Variants in NOD1 observed in about 807,000 individuals in gnomAD.
The protein encoded by NOD1 is nucleotide binding oligomerization domain containing 1.
A neutral mutation model predicts 81.2 loss-of-function variants in NOD1; 70 were observed. That is an observed-to-expected ratio of 0.86 (90% CI 0.71 to 1.05). The LOEUF (loss-of-function observed/expected upper bound fraction) is 1.05. NOD1 is among the 50% of genes least tolerant of loss of function. NOD1 has a pLI of 0.00. For synonymous variants in NOD1, 508 were observed against 526.9 expected (o/e 0.96, Z 0.49); for missense variants, 1,233 against 1,228.0 (o/e 1.00, Z -0.06).
In NOD1 at chr7:30,425,719, A is replaced by G. The variant is rs1280961392; in HGVS notation, c.2790-9T>C. On this transcript the variant is annotated splice_polypyrimidine_tract_variant and intron_variant, in intron 13 of 13. Coordinates refer to ENST00000222823, the MANE Select transcript of NOD1 (RefSeq NM_006092.4). ...TCAGGTTTCCATTTAGGCTGTTGAA[A>G]AGGAGGAAGACAAAAGTACACAGGT... 1 of 1,605,988 alleles carries G rather than the reference A, an allele frequency of 6.2e-7. No homozygotes were observed. Among genetic ancestry groups the G allele is most frequent in the South Asian group, 1.1e-5 (1 of 90,930 alleles).
rs566154015 is a variant in NOD1, at chr7:30,446,597, G to A, written c.2369+370C>T. 1.3e-5 allele frequency: 5 copies of A among 388,850 alleles called. No homozygotes were observed. The Admixed American group carries it at 1.7e-4, about 13-fold the overall frequency. The allele number at this position is 388,850 out of a possible 1,614,324, so 24.1% of individuals were successfully genotyped here. The stretch of plus-strand genomic sequence containing the variant: ...GTCAGGGCAGGACCAGAGGCTCCAA[G>A]CCTGGCGCACTGTCACCCCCTGCGC... On this transcript the variant is annotated intron_variant, in intron 8 of 13. Transcript: ENST00000222823.
Position 30,467,145 on chromosome 7 carries a change from G to C in NOD1, c.-351-7104C>G, listed in dbSNP as rs74933831. 7.4e-3 allele frequency among the ~76,000 whole-genome samples: 1,128 copies of C among 152,280 alleles called. 7 individuals are homozygous for C. Among genetic ancestry groups the C allele is most frequent in the Middle Eastern group, 0.017 (5 of 294 alleles). The stretch of plus-strand genomic sequence containing the variant: ...AATGTAAGTTGCAGAAAGAAATATA[G>C]AGTATAATAACATTTATATGGCTTG... On this transcript the variant is annotated intron_variant, in intron 1 of 13. Transcript: ENST00000222823. The surrounding 1 kb of genome is among the most constrained non-coding windows in gnomAD (Gnocchi z 4.5).
chr7:30,429,658 CTGTT>C (rs958852337), intron 12 of NOD1, among the ~76,000 whole-genome samples: 2 of 152,118 alleles, frequency 1.3e-5, no homozygotes, highest in African/African-American at 4.8e-5. Context: ...TTTAAATTTT[CTGTT>C]TGTTTTTATA....
At position 30,446,180 on chromosome 7, in the gene NOD1, G is replaced by T. The variant is rs764219266; in HGVS notation, c.2414C>A (p.Ala805Asp). Reference sequence around the variant, plus strand: ...TGATTTGCTGTTCTTCACAGCCAGGGCGAGATACTTCCCTCCTTCACTTGT... The same window carrying T: ...TGATTTGCTGTTCTTCACAGCCAGGTCGAGATACTTCCCTCCTTCACTTGT... ...KITSEGGKYL[A>D]LAVKNSKSIS... Residue 805 changes from alanine (A) to aspartate (D), a missense_variant, in exon 9 of 14, where the codon GCC becomes GAC. Physicochemically the swap from Ala to Asp is moderately radical, Grantham distance 126 (BLOSUM62 -2). Coordinates refer to ENST00000222823, the MANE Select transcript of NOD1 (RefSeq NM_006092.4). The T allele has an allele frequency of 6.2e-7, 1 of 1,614,142 alleles. No homozygotes were observed. Among genetic ancestry groups the T allele is most frequent in the East Asian group, 2.2e-5 (1 of 44,884 alleles).
At position 30,455,134 on chromosome 7, in the gene NOD1, T is replaced by C; in HGVS notation, c.376+3A>G. On this transcript the variant is annotated splice_donor_region_variant and intron_variant, in intron 5 of 13. Transcript: ENST00000222823. ...CTGCGGTCTTGCTGGGGCTGACTCC[T>C]ACCTGGGTCAGTGTTGACCACGACT... 6.2e-7 allele frequency: 1 copy of C among 1,613,490 alleles called. No individual in the cohort carries two copies. Among genetic ancestry groups the C allele is most frequent in the Non-Finnish European group, 8.5e-7 (1 of 1,179,770 alleles).
chr7:30,432,037 G>A (rs1783996842), intron 12 of NOD1, among the ~76,000 whole-genome samples: 2 of 152,140 alleles, frequency 1.3e-5, no homozygotes, highest in African/African-American at 2.4e-5. Flanking sequence ...CCCAGGAGGT[G>A]GAGGTTGCAG....
intron 12 of NOD1, among the ~76,000 whole-genome samples, chr7:30,432,763 G>T (rs1784055611): frequency 6.6e-6 from 1 of 152,168 alleles, no homozygotes; most frequent in South Asian, 2.1e-4. Flanking sequence ...AAAAAGGAAT[G>T]AAACATGCTA....
At position 30,451,165 on chromosome 7, in the gene NOD1, G is replaced by A. The variant is rs750566041; in HGVS notation, c.2201+51C>T. The A allele has an allele frequency of 2.2e-5, 35 of 1,578,352 alleles. No homozygotes were observed. Among genetic ancestry groups the A allele is most frequent in the Non-Finnish European group, 2.9e-5 (34 of 1,162,358 alleles). On this transcript the variant is annotated intron_variant, in intron 6 of 13. Coordinates refer to ENST00000222823, the MANE Select transcript of NOD1 (RefSeq NM_006092.4). This position sits in a 1 kb window ranked among gnomAD's most constrained non-coding sequence, Gnocchi z 4.2. ...CATGATGCCATTCCCGATGCCCTCC[G>A]AGCCTGGCCCGCCCGGCCCACCTGT... is the stretch of plus-strand genomic sequence containing the variant.
intron 1 of NOD1, chr7:30,460,712 A>G (rs1786960011): frequency 2.0e-6 from 2 of 982,692 alleles, no homozygotes; most frequent in Non-Finnish European, 2.4e-6. Context: ...GCCTGTGGGC[A>G]GTGAGGGAGC....
intron 1 of NOD1, among the ~76,000 whole-genome samples, chr7:30,473,645 C>T (rs114221072): frequency 0.011 from 1,623 of 152,226 alleles, 27 homozygotes; most frequent in African/African-American, 0.035. Context: ...AGTGAGCTGC[C>T]ACTTTCACTT....
intron 13 of NOD1, among the ~76,000 whole-genome samples, chr7:30,426,501 C>T (rs2127980689): frequency 6.6e-6 from 1 of 152,086 alleles, no homozygotes; most frequent in East Asian, 1.9e-4. Context: ...TGCATCAGTA[C>T]AATGTCCTAC....
Position 30,452,896 on chromosome 7 carries a change from A to G in NOD1, c.521T>C (p.Leu174Pro). Residue 174 changes from leucine to proline, a missense_variant, in exon 6 of 14, where the codon CTG (leucine) becomes CCG (proline). Coordinates refer to ENST00000222823, the MANE Select transcript of NOD1 (RefSeq NM_006092.4). The stretch of plus-strand genomic sequence containing the variant: ...GCAGGCCAGGCTGTTCAGGCTGCCC[A>G]GGCTCTCATTGCTGAAGCCAACCAG... ...MELVGFSNES[L>P]GSLNSLACLL... is the part of the protein sequence containing the mutation. 1 of 1,614,030 alleles carries G rather than the reference A, an allele frequency of 6.2e-7. No homozygotes were observed.
chr7:30,454,037 G>A (rs567281766), intron 5 of NOD1, among the ~76,000 whole-genome samples: 1 of 152,200 alleles, frequency 6.6e-6, no homozygotes, highest in Admixed American at 6.5e-5. Flanking sequence ...TTTCATGGGG[G>A]AAGGAAACAA....
Position 30,448,301 on chromosome 7 carries a change from A to C in NOD1, c.2282T>G (p.Leu761Trp), listed in dbSNP as rs767086231. The change falls in exon 7 of 14, where the codon TTG becomes TGG. Residue 761 changes from leucine to tryptophan, a missense_variant. Transcript: ENST00000222823. ...AGTGTTCTGGAGAAAGACATACCCC[A>C]AATAGGTCACAATTTTGTATTTGGT... ...ELTKYKIVTYLGLYNNQITDV... is the reference protein window; with the variant it reads ...ELTKYKIVTYWGLYNNQITDV... The C allele has an allele frequency of 6.2e-7, 1 of 1,613,382 alleles. No homozygotes were observed. The highest frequency in any genetic ancestry group is 1.1e-5 in the South Asian group (1 of 91,064).
Position 30,451,592 on chromosome 7 carries a change from G to T in NOD1, c.1825C>A (p.Pro609Thr), listed in dbSNP as rs1417843654. Residue 609 changes from proline (P) to threonine (T), a missense_variant, in exon 6 of 14, where the codon CCC becomes ACC. By Grantham distance (38) the Pro-to-Thr change is conservative. Coordinates refer to ENST00000222823, the MANE Select transcript of NOD1 (RefSeq NM_006092.4). The surrounding 1 kb of genome is among the most constrained non-coding windows in gnomAD (Gnocchi z 4.2). ...AKQKLLRHLV[P>T]AAALRRKRKA... ...CGCTTTCTCCTCAGGGCTGCCGCGG[G>T]CACCAGATGCCGCAGGAGTTTCTGT... The T allele has an allele frequency of 6.2e-7, 1 of 1,613,696 alleles. No individual in the cohort carries two copies. Among genetic ancestry groups the T allele is most frequent in the African/African-American group, 1.3e-5 (1 of 74,948 alleles).
intron 2 of NOD1, 72 bp from the exon 3 acceptor site, chr7:30,459,312 G>C (rs963841582): frequency 1.3e-5 from 2 of 152,590 alleles, no homozygotes; most frequent in African/African-American, 4.8e-5. Flanking sequence ...ATTGGCAAGA[G>C]AATAATTTTA....
At position 30,451,658 on chromosome 7, in the gene NOD1, A is replaced by G. The variant is rs527250570; in HGVS notation, c.1759T>C (p.Phe587Leu). 3.7e-6 allele frequency: 6 copies of G among 1,613,952 alleles called. No homozygotes were observed. The South Asian group carries it at 6.6e-5, about 18-fold the overall frequency. The change falls in exon 6 of 14, where the codon TTC becomes CTC. Residue 587 changes from phenylalanine to leucine, a missense_variant. Transcript: ENST00000222823. The surrounding 1 kb of genome is among the most constrained non-coding windows in gnomAD (Gnocchi z 4.2). The part of the protein sequence containing the change: ...DLFKNKDHFQ[F>L]TNLFLCGLLS... ...AGCCCGCACAGGAAGAGGTTGGTGA[A>G]CTGGAAGTGATCCTTGTTCTTGAAG...
At chr7:30,436,591 G>A (rs1057106286) in intron 10 of NOD1, among the ~76,000 whole-genome samples, 4 of 152,258 alleles carry the variant, frequency 2.6e-5, no homozygotes, top group African/African-American at 9.6e-5. Flanking sequence ...TTATAGAGAG[G>A]AAGAGTCCCT....
At chr7:30,446,112 A>G (rs757137192) in intron 9 of NOD1, 29 bp downstream of exon 9, 1 of 1,551,656 alleles carries the variant, frequency 6.4e-7, no homozygotes, top group East Asian at 2.2e-5. Context: ...AGCAGGTTGT[A>G]CCACATACAT....
Sources: gnomAD v4.1 joint callset for allele counts (sites outside exome capture counted in the v4.1 genomes callset) on GRCh38, gnomAD v4.1.1 for gene constraint, Gnocchi (gnomAD v3.1) non-coding constraint, MANE v1.5 for transcripts, NCBI Gene and HGNC (gene_info 2026-07-23, HGNC 2026-07-21) for gene names.